ROBO2: variants seen among roughly 807,000 people sequenced by gnomAD.
ROBO2 encodes roundabout homolog 2.
ROBO2 carries 53 observed loss-of-function variants against 160.8 expected under a neutral mutation model. The observed-to-expected ratio is 0.33, with a 90% CI of 0.26 to 0.41. ROBO2 has a LOEUF of 0.41. ROBO2 is among the 10% of genes least tolerant of loss of function. The pLI is 1.00. For synonymous variants in ROBO2, 664 were observed against 611.7 expected, an observed-to-expected ratio of 1.09 and a Z score of -1.26; for missense variants, 1,577 against 1,722.4, an observed-to-expected ratio of 0.92 and a Z score of 1.49.
chr3:77,605,259 G>C (rs910964706), intron 20 of ROBO2, among the ~76,000 whole-genome samples: 1 of 151,428 alleles, frequency 6.6e-6, no homozygotes, highest in African/African-American at 2.4e-5. Context: ...ATTAAAATAT[G>C]CTCCCTTAAA....
At chr3:76,469,664 A>C (rs1210828618) in intron 2 of ROBO2, among the ~76,000 whole-genome samples, 1 of 152,130 alleles carries the variant, frequency 6.6e-6, no homozygotes, top group Middle Eastern at 3.4e-3. Context: ...TAGAATGACT[A>C]TTCCCACTGG....
intron 2 of ROBO2, among the ~76,000 whole-genome samples, chr3:76,265,107 C>T (rs1290934468): frequency 6.6e-6 from 1 of 152,148 alleles, no homozygotes; most frequent in Non-Finnish European, 1.5e-5. Flanking sequence ...TGTTAAGAGG[C>T]ATCCTCATCT....
intron 1 of ROBO2, among the ~76,000 whole-genome samples, chr3:75,921,901 G>C (rs1299803150): frequency 1.3e-5 from 2 of 152,016 alleles, no homozygotes; most frequent in East Asian, 3.9e-4. Flanking sequence ...TAAAGCTGGA[G>C]TACATTTCAG....
At chr3:76,393,640 A>G (rs2077269522) in intron 2 of ROBO2, among the ~76,000 whole-genome samples, 2 of 152,192 alleles carry the variant, frequency 1.3e-5, no homozygotes, top group Admixed American at 6.6e-5. Flanking sequence ...AAGGGACACA[A>G]TAGTTGAACT....
chr3:76,236,681 A>T (rs1314143614), intron 2 of ROBO2, among the ~76,000 whole-genome samples: 4 of 152,150 alleles, frequency 2.6e-5, no homozygotes, highest in Non-Finnish European at 5.9e-5. Flanking sequence ...ACATTGGAAT[A>T]ATTTATTTCC....
chr3:76,911,918 G>A (rs941265596), intron 2 of ROBO2, among the ~76,000 whole-genome samples: 1 of 151,916 alleles, frequency 6.6e-6, no homozygotes, highest in African/African-American at 2.4e-5. Flanking sequence ...GCAGTGAGCT[G>A]TAATTGTATC....
At chr3:77,018,291 G>C (rs189159039) in intron 2 of ROBO2, among the ~76,000 whole-genome samples, 37 of 151,974 alleles carry the variant, frequency 2.4e-4, no homozygotes, top group Non-Finnish European at 4.3e-4. Flanking sequence ...CACTATGTTG[G>C]CCAGACTATT....
At chr3:76,112,486 TA>T (rs144201265) in intron 2 of ROBO2, among the ~76,000 whole-genome samples, 2,402 of 152,212 alleles carry the variant, frequency 0.016, 62 homozygotes, top group African/African-American at 0.054. Context: ...TTCATCTGTT[TA>T]TTTTTAATTT....
At chr3:76,615,900 T>G (rs1317308007) in intron 2 of ROBO2, among the ~76,000 whole-genome samples, 1 of 152,210 alleles carries the variant, frequency 6.6e-6, no homozygotes, top group Non-Finnish European at 1.5e-5. Context: ...AGGCTCAGAA[T>G]GTAAATGAAT....
In ROBO2 at chr3:77,622,438, G is replaced by A. The variant is rs374170074; in HGVS notation, c.3760+6G>A. 73 of 1,613,518 alleles carry A rather than the reference G, an allele frequency of 4.5e-5. No individual in the cohort carries two copies. Among genetic ancestry groups the A allele is most frequent in the Non-Finnish European group, 5.1e-5 (60 of 1,179,748 alleles). Reference sequence around the variant, plus strand: ...TCTAGACAGCTCTGTGACAGGTAACGGAACCAATTTAATAGGAAAAACTGA... The same window carrying A: ...TCTAGACAGCTCTGTGACAGGTAACAGAACCAATTTAATAGGAAAAACTGA... On this transcript the variant is annotated splice_donor_region_variant and intron_variant, in intron 23 of 25. Coordinates refer to ENST00000461745, the Ensembl canonical transcript of ROBO2.
chr3:77,286,625 A>G (rs1245427909), intron 2 of ROBO2, among the ~76,000 whole-genome samples: 1 of 152,138 alleles, frequency 6.6e-6, no homozygotes. Flanking sequence ...TCCATGTAGA[A>G]TATTCCTTAT....
At chr3:77,246,327 A>ATGTGTGTGTGTGTGTGTG (rs71104664) in intron 2 of ROBO2, among the ~76,000 whole-genome samples, 7 of 145,730 alleles carry the variant, frequency 4.8e-5, no homozygotes, top group African/African-American at 1.8e-4. Flanking sequence ...GTGTATGTGT[A>ATGTGTGTGTGTGTGTGTG]TGTGTGTGTG....
chr3:76,133,946 G>A (rs1168221704), intron 2 of ROBO2, among the ~76,000 whole-genome samples: 3 of 151,892 alleles, frequency 2.0e-5, no homozygotes, highest in Non-Finnish European at 4.4e-5. Context: ...CAATCAAGTT[G>A]ACACTCAATA....
At chr3:76,602,157 TC>T (rs1195020456) in intron 2 of ROBO2, among the ~76,000 whole-genome samples, 1 of 152,188 alleles carries the variant, frequency 6.6e-6, no homozygotes, top group Non-Finnish European at 1.5e-5. Context: ...AGGCTTTTGG[TC>T]AAAGCCATTC....
chr3:76,342,496 T>A (rs2074288485), intron 2 of ROBO2, among the ~76,000 whole-genome samples: 1 of 152,066 alleles, frequency 6.6e-6, no homozygotes, highest in African/African-American at 2.4e-5. Context: ...GGAACCCAAC[T>A]TTTTTATGAA....
intron 16 of ROBO2, among the ~76,000 whole-genome samples, chr3:77,585,950 T>A (rs1375993579): frequency 6.6e-6 from 1 of 152,132 alleles, no homozygotes; most frequent in Non-Finnish European, 1.5e-5. Context: ...TATTGGCATT[T>A]GATGTAATTT....
intron 1 of ROBO2, among the ~76,000 whole-genome samples, chr3:77,084,056 A>T (rs1354677540): frequency 1.3e-5 from 2 of 152,126 alleles, no homozygotes; most frequent in African/African-American, 4.8e-5. Flanking sequence ...GGGAGCTGTT[A>T]ACTATTGGGT....
intron 2 of ROBO2, among the ~76,000 whole-genome samples, chr3:76,614,148 A>G (rs1320007461): frequency 6.6e-6 from 1 of 152,124 alleles, no homozygotes; most frequent in African/African-American, 2.4e-5. Flanking sequence ...CAGAAGCATG[A>G]ACTATGCATA....
intron 2 of ROBO2, among the ~76,000 whole-genome samples, chr3:76,059,530 A>G (rs2067990467): frequency 6.6e-6 from 1 of 151,846 alleles, no homozygotes; most frequent in Non-Finnish European, 1.5e-5. Context: ...TTTGGAGTTT[A>G]TTGTAGATTC....
Sources: allele counts gnomAD v4.1 joint callset (sites outside exome capture counted in the v4.1 genomes callset), GRCh38; gene constraint gnomAD v4.1.1; transcripts MANE v1.5; gene names NCBI Gene and HGNC (gene_info 2026-07-23, HGNC 2026-07-21).